CLMP: variants seen among roughly 807,000 people sequenced by gnomAD.
CLMP encodes the protein CXADR-like membrane protein.
A neutral mutation model predicts 45.2 loss-of-function variants in CLMP; 27 were observed. That is an observed-to-expected ratio of 0.60 (90% CI 0.44 to 0.82). The LOEUF is 0.82. Ranked by LOEUF, CLMP falls within the 40% of genes least tolerant of loss-of-function variation. CLMP has a pLI of 0.00. For synonymous variants in CLMP, 167 were observed against 171.4 expected (o/e 0.97, Z 0.20); for missense variants, 403 against 448.4 (o/e 0.90, Z 0.91).
chr11:123,110,314 C>G (rs1013875208), intron 1 of CLMP, among the ~76,000 whole-genome samples: 1 of 151,906 alleles, frequency 6.6e-6, no homozygotes, highest in Non-Finnish European at 1.5e-5. Flanking sequence ...ATTAGCCGGC[C>G]GTGTTGGCAG....
intron 1 of CLMP, among the ~76,000 whole-genome samples, chr11:123,109,403 T>C (rs1591461713): frequency 6.7e-6 from 1 of 149,122 alleles, no homozygotes; most frequent in East Asian, 2.0e-4. Context: ...TATCAACTCT[T>C]TTAGAGAAGA....
At chr11:123,084,956 T>C (rs1865846098) in intron 2 of CLMP, among the ~76,000 whole-genome samples, 1 of 152,188 alleles carries the variant, frequency 6.6e-6, no homozygotes, top group Non-Finnish European at 1.5e-5. Flanking sequence ...TATAAAGTAT[T>C]ATATTAAATG....
At chr11:123,150,726 T>C (rs940739023) in intron 1 of CLMP, among the ~76,000 whole-genome samples, 4 of 152,144 alleles carry the variant, frequency 2.6e-5, no homozygotes, top group Non-Finnish European at 5.9e-5. Flanking sequence ...TCTTTTTTTG[T>C]TTTGTTTTGA....
intron 1 of CLMP, chr11:123,191,288 A>G (rs987478316): frequency 3.9e-5 from 6 of 152,206 alleles, no homozygotes; most frequent in African/African-American, 1.4e-4. Flanking sequence ...GATAAGCACA[A>G]GACAAAAATA....
At chr11:123,189,773 CGA>C (rs1565407775) in intron 1 of CLMP, among the ~76,000 whole-genome samples, 1 of 151,922 alleles carries the variant, frequency 6.6e-6, no homozygotes, top group Non-Finnish European at 1.5e-5. Flanking sequence ...ATTGGGAGGC[CGA>C]TGATCACTTG....
rs778014796 is a variant in CLMP at position 123,083,758 on chromosome 11, C to G, written c.478G>C (p.Glu160Gln). ...CGCTGCCAGTAATACACAATGGGCTCTGTGCCAGAGGATGACTCACACTGC... is the reference window on the plus strand; with the variant it reads ...CGCTGCCAGTAATACACAATGGGCTGTGTGCCAGAGGATGACTCACACTGC... ...TLQCESSSGT[E>Q]PIVYYWQRIR... Residue 160 changes from glutamate (E) to glutamine (Q), a missense_variant, in exon 4 of 7, where the codon GAG becomes CAG. Glu to Gln is a conservative substitution (Grantham distance 29). Coordinates refer to ENST00000448775, the MANE Select transcript of CLMP (RefSeq NM_024769.5). 9 of 1,614,108 alleles carry G rather than the reference C, an allele frequency of 5.6e-6. No individual in the cohort carries two copies. In the East Asian group the frequency reaches 1.8e-4, roughly 32 times the overall value.
At chr11:123,160,890 A>C (rs1861478519) in intron 1 of CLMP, among the ~76,000 whole-genome samples, 1 of 151,496 alleles carries the variant, frequency 6.6e-6, no homozygotes, top group South Asian at 2.1e-4. Context: ...AGGCAGGAGA[A>C]TTGCTTGAAC....
At chr11:123,167,585 G>T (rs556499563) in intron 1 of CLMP, among the ~76,000 whole-genome samples, 5 of 151,896 alleles carry the variant, frequency 3.3e-5, no homozygotes, top group Admixed American at 3.3e-4. Flanking sequence ...ACGCCCCGCC[G>T]AAAGACAGAT....
intron 1 of CLMP, among the ~76,000 whole-genome samples, chr11:123,146,702 A>G (rs1861243785): frequency 1.3e-5 from 2 of 151,494 alleles, no homozygotes; most frequent in Non-Finnish European, 2.9e-5. Context: ...GCTCTCTTTC[A>G]TCTCTCCTCC....
intron 1 of CLMP, among the ~76,000 whole-genome samples, chr11:123,102,942 G>T (rs964264712): frequency 6.6e-6 from 1 of 151,934 alleles, no homozygotes; most frequent in Non-Finnish European, 1.5e-5. Context: ...ACCATTCATT[G>T]CTGCCTTCTC....
intron 1 of CLMP, among the ~76,000 whole-genome samples, chr11:123,100,530 C>A (rs971179106): frequency 1.3e-5 from 2 of 151,954 alleles, no homozygotes; most frequent in Non-Finnish European, 2.9e-5. Context: ...AGATTCAAGT[C>A]CATTGTGATG....
chr11:123,185,286 T>C (rs1861818525), intron 1 of CLMP, among the ~76,000 whole-genome samples: 1 of 151,908 alleles, frequency 6.6e-6, no homozygotes, highest in African/African-American at 2.4e-5. Flanking sequence ...AAAGGGGCAA[T>C]ACATGAAAGA....
intron 1 of CLMP, among the ~76,000 whole-genome samples, chr11:123,128,827 A>G (rs11219003): frequency 0.14 from 20,585 of 152,112 alleles, 1,738 homozygotes; most frequent in African/African-American, 0.22. Context: ...CTTATATGGA[A>G]CACTGGCTAA....
rs534318820 is a variant in CLMP, at chr11:123,132,006, T to A, written c.29-34054A>T. Among the ~76,000 whole-genome samples the A allele has an allele frequency of 1.8e-4, 28 of 152,298 alleles. No homozygotes were observed. In the East Asian group the frequency reaches 3.7e-3, roughly 20 times the overall value. The stretch of plus-strand genomic sequence containing the variant: ...CTCATAAGGATTAAATGCAATCTTG[T>A]TTAAAGCACGTTGTATAAAATTTAT... On this transcript the variant is annotated intron_variant, in intron 1 of 6. Coordinates refer to ENST00000448775, the MANE Select transcript of CLMP (RefSeq NM_024769.5).
intron 1 of CLMP, among the ~76,000 whole-genome samples, chr11:123,106,334 G>C (rs924774982): frequency 8.2e-5 from 10 of 122,432 alleles, no homozygotes; most frequent in Non-Finnish European, 1.6e-4. Flanking sequence ...TCAGCGGGCA[G>C]ACGGGAAGTT....
At position 123,073,149 on chromosome 11, in the gene CLMP, T is replaced by A; in HGVS notation, c.*325A>T. On this transcript the variant is annotated 3_prime_UTR_variant, in exon 7 of 7. Coordinates refer to ENST00000448775, the MANE Select transcript of CLMP (RefSeq NM_024769.5). Reference sequence around the variant, plus strand: ...AGCACTGATACAAAATATCCCACATTAAAAGTTTTAGGTATATTCACCTCA... The same window carrying A: ...AGCACTGATACAAAATATCCCACATAAAAAGTTTTAGGTATATTCACCTCA... 4.7e-6 allele frequency: 1 copy of A among 213,108 alleles called. No homozygotes were observed. The highest frequency in any genetic ancestry group is 9.3e-6 in the Non-Finnish European group (1 of 107,842). The allele number at this position is 213,108 out of a possible 1,614,324, so 13.2% of individuals were successfully genotyped here.
rs1865666863 is a variant in CLMP at position 123,071,137 on chromosome 11, T to G, written c.*2337A>C. Reference sequence around the variant, plus strand: ...TTCTTTCCTCTAACCTGCTCTTCTTTTAAAAAGTATTCTGGGCCGGGCATG... The same window carrying G: ...TTCTTTCCTCTAACCTGCTCTTCTTGTAAAAAGTATTCTGGGCCGGGCATG... On this transcript the variant is annotated 3_prime_UTR_variant, in exon 7 of 7. Transcript: ENST00000448775. 1 of 152,176 alleles carries G rather than the reference T, an allele frequency of 6.6e-6. No individual in the cohort carries two copies. Among genetic ancestry groups the G allele is most frequent in the Non-Finnish European group, 1.5e-5 (1 of 68,032 alleles). The allele number at this position is 152,176 out of a possible 1,614,324, so 9.4% of individuals were successfully genotyped here.
At chr11:123,186,297 C>T (rs1417274410) in intron 1 of CLMP, among the ~76,000 whole-genome samples, 1 of 152,172 alleles carries the variant, frequency 6.6e-6, no homozygotes, top group Non-Finnish European at 1.5e-5. Flanking sequence ...CATTACTTAA[C>T]ACTGAAAGCA....
chr11:123,125,462 C>G (rs1284480793), intron 1 of CLMP, among the ~76,000 whole-genome samples: 1 of 114,808 alleles, frequency 8.7e-6, no homozygotes, highest in Non-Finnish European at 1.8e-5. Flanking sequence ...TTCCCTCCCT[C>G]CCTCCTCCCT....
Sources: gnomAD v4.1 joint callset for allele counts (sites outside exome capture counted in the v4.1 genomes callset) on GRCh38, gnomAD v4.1.1 for gene constraint, MANE v1.5 for transcripts, NCBI Gene and HGNC (gene_info 2026-07-23, HGNC 2026-07-21) for gene names.